The following PSMG4 variants were observed in gnomAD, a reference collection of about 807,000 sequenced individuals.
The protein encoded by PSMG4 is proteasome assembly chaperone 4, also known as proteasome (prosome, macropain) assembly chaperone 4.
Under a neutral mutation model 11.0 loss-of-function variants are expected in PSMG4, and 10 were observed. The observed-to-expected ratio is 0.91, with a 90% CI of 0.56 to 1.54. PSMG4 has a LOEUF of 1.54. Among genes scored for constraint, PSMG4 ranks in the 40% most tolerant of loss-of-function variants. The pLI, the probability that PSMG4 is intolerant of heterozygous loss-of-function variation, is 0.00. For missense variants in PSMG4, 198 were observed against 160.9 expected (o/e 1.23, Z -1.25); for synonymous variants, 95 against 71.3 (o/e 1.33, Z -1.68).
chr6:3,254,659 C>G (rs188209151), upstream of PSMG4, among the ~76,000 whole-genome samples: 1 of 152,076 alleles, frequency 6.6e-6, no homozygotes, highest in Non-Finnish European at 1.5e-5. Context: ...CAGCTTTGTT[C>G]CTTCAAGCTG....
chr6:3,264,440 T>C (rs1459270667), intron 2 of PSMG4: 3 of 1,443,228 alleles, frequency 2.1e-6, no homozygotes, highest in East Asian at 2.5e-5. Context: ...CTGCTTCTGC[T>C]CTGGAGTCTT....
chr6:3,263,676 T>G lies in PSMG4; in HGVS notation c.175-8T>G. 1 of 1,538,336 alleles carries G rather than the reference T, an allele frequency of 6.5e-7. No individual in the cohort carries two copies. The highest frequency in any genetic ancestry group is 8.8e-7 in the Non-Finnish European group (1 of 1,141,714). On this transcript the variant is annotated splice_polypyrimidine_tract_variant and splice_region_variant and intron_variant, in intron 1 of 2. Transcript: ENST00000438998. Reference sequence around the variant, plus strand: ...GAAGCTGCAGTGTGCCCTTTGCTTTTCTTTTAGGACTCCATCCCCGTGTCT... The same window carrying G: ...GAAGCTGCAGTGTGCCCTTTGCTTTGCTTTTAGGACTCCATCCCCGTGTCT...
intron 1 of PSMG4, among the ~76,000 whole-genome samples, chr6:3,261,439 G>T (rs1757987570): frequency 6.6e-6 from 1 of 152,136 alleles, no homozygotes; most frequent in Non-Finnish European, 1.5e-5. Context: ...TTTGTGCAGT[G>T]CTGGTTTGGG....
chr6:3,263,542 C>T lies in PSMG4; in HGVS notation c.175-142C>T, dbSNP rs1299210945. 4.6e-6 allele frequency: 3 copies of T among 655,832 alleles called. No individual in the cohort carries two copies. The East Asian group carries it at 9.1e-5, about 20-fold the overall frequency. The allele number at this position is 655,832 out of a possible 1,614,324, so 40.6% of individuals were successfully genotyped here. ...TACTTGGTTGTTGACGGACGCCACC[C>T]CTCTTTCCCTCGGCACCTGTGCCTG... On this transcript the variant is annotated intron_variant, in intron 1 of 2. Coordinates refer to ENST00000438998, the MANE Select transcript of PSMG4 (RefSeq NM_001128591.2).
chr6:3,257,101 A>G (rs1384265974), upstream of PSMG4, among the ~76,000 whole-genome samples: 1 of 152,148 alleles, frequency 6.6e-6, no homozygotes, highest in African/African-American at 2.4e-5. Context: ...ATTTTAGGAG[A>G]GGGACAAGGA....
At chr6:3,254,974 GGCTGT>G (rs1757700411), upstream of PSMG4, 2 of 1,412,730 alleles carry the variant, frequency 1.4e-6, no homozygotes, top group Non-Finnish European at 1.9e-6. Flanking sequence ...CATGTGATGT[GGCTGT>G]GGATCCCATG....
intron 1 of PSMG4, among the ~76,000 whole-genome samples, chr6:3,259,826 A>G (rs1449525427): frequency 6.6e-6 from 1 of 151,904 alleles, no homozygotes; most frequent in African/African-American, 2.4e-5. Context: ...GGACATTATC[A>G]TTTCCCCTCC....
At chr6:3,256,737 C>T (rs565595523), upstream of PSMG4, among the ~76,000 whole-genome samples, 2 of 152,324 alleles carry the variant, frequency 1.3e-5, no homozygotes, top group East Asian at 1.9e-4. Context: ...CAAAATGGCC[C>T]ATCAGAGTTG....
chr6:3,254,559 G>T (rs892184385), upstream of PSMG4, among the ~76,000 whole-genome samples: 2 of 152,052 alleles, frequency 1.3e-5, no homozygotes, highest in East Asian at 1.9e-4. Context: ...ATTTGTTCTC[G>T]GGGTTTGTGA....
At chr6:3,264,008 C>A in intron 2 of PSMG4, 2 of 1,337,794 alleles carry the variant, frequency 1.5e-6, no homozygotes, top group Non-Finnish European at 2.0e-6. Flanking sequence ...TGGGTGTGTC[C>A]TTGAGTCCAT....
chr6:3,254,926 A>AT (rs1757697519), upstream of PSMG4: 2 of 1,089,986 alleles, frequency 1.8e-6, no homozygotes, highest in Admixed American at 2.7e-5. Context: ...TGCTTCAGCC[A>AT]TTCTCTCACT....
intron 1 of PSMG4, 145 bp downstream of exon 1, chr6:3,259,341 G>A (rs1446117986): frequency 4.0e-6 from 3 of 748,788 alleles, no homozygotes; most frequent in East Asian, 7.2e-5. Flanking sequence ...GTCTTAGGAA[G>A]CCCGCGGGCG....
intron 1 of PSMG4, among the ~76,000 whole-genome samples, chr6:3,260,263 C>A (rs58701971): frequency 7.4e-6 from 1 of 135,496 alleles, no homozygotes; most frequent in Non-Finnish European, 1.6e-5. Flanking sequence ...TCCAGTATAA[C>A]CTTGTCTTAA....
At chr6:3,254,857 G>A (rs117325238), upstream of PSMG4, among the ~76,000 whole-genome samples, 26 of 152,242 alleles carry the variant, frequency 1.7e-4, no homozygotes, top group East Asian at 3.3e-3. Flanking sequence ...TTAACTCAGG[G>A]TGAACATGAG....
intron 1 of PSMG4, among the ~76,000 whole-genome samples, chr6:3,262,413 A>G (rs1319976362): frequency 1.3e-5 from 2 of 152,240 alleles, no homozygotes; most frequent in East Asian, 3.8e-4. Flanking sequence ...AACTTGAGGA[A>G]TCTGTAAACA....
intron 1 of PSMG4, among the ~76,000 whole-genome samples, chr6:3,260,176 T>G (rs1757924674): frequency 7.3e-6 from 1 of 137,508 alleles, no homozygotes; most frequent in South Asian, 2.4e-4. Flanking sequence ...TGGCCTCAAG[T>G]GATGATCCTC....
intron 2 of PSMG4, chr6:3,264,040 G>T: frequency 2.1e-6 from 3 of 1,402,930 alleles, no homozygotes; most frequent in Non-Finnish European, 2.8e-6. Flanking sequence ...GTTGCCTTCC[G>T]TAAGTGCATC....
upstream of PSMG4, among the ~76,000 whole-genome samples, chr6:3,256,277 G>GTA (rs1016813481): frequency 6.6e-6 from 1 of 152,154 alleles, no homozygotes; most frequent in African/African-American, 2.4e-5. Flanking sequence ...TAATTTCTAG[G>GTA]TATATATATC....
At chr6:3,260,056 C>T (rs1322751143) in intron 1 of PSMG4, among the ~76,000 whole-genome samples, 3 of 152,066 alleles carry the variant, frequency 2.0e-5, no homozygotes, top group Non-Finnish European at 4.4e-5. Flanking sequence ...CCTCCTTCCT[C>T]AGCCTCCCGA....
Sources: allele counts gnomAD v4.1 joint callset (sites outside exome capture counted in the v4.1 genomes callset), GRCh38; gene constraint gnomAD v4.1.1; transcripts MANE v1.5; gene names NCBI Gene and HGNC (gene_info 2026-07-23, HGNC 2026-07-21).